The following LRBA variants were observed in gnomAD, a reference collection of about 807,000 sequenced individuals.
LRBA encodes LPS responsive beige-like anchor protein.
A neutral mutation model predicts 330.0 loss-of-function variants in LRBA; 176 were observed. The ratio of observed to expected loss-of-function variants is 0.53; its 90% CI spans 0.47 to 0.60. LRBA has a LOEUF of 0.60. LRBA is among the 20% of genes least tolerant of loss of function. The pLI is 0.00. For missense variants in LRBA, 3,259 were observed against 3,444.8 expected, an observed-to-expected ratio of 0.95 and a Z score of 1.35; for synonymous variants, 1,230 against 1,193.0, an observed-to-expected ratio of 1.03 and a Z score of -0.64.
intron 40 of LRBA, among the ~76,000 whole-genome samples, chr4:150,506,193 T>C (rs563190756): frequency 1.1e-4 from 16 of 152,204 alleles, no homozygotes; most frequent in South Asian, 2.1e-4. Context: ...TTCCAATCAA[T>C]AGAAAAAGAG....
intron 40 of LRBA, among the ~76,000 whole-genome samples, chr4:150,519,697 C>T (rs1277377920): frequency 6.6e-6 from 1 of 152,024 alleles, no homozygotes; most frequent in Non-Finnish European, 1.5e-5. Flanking sequence ...GTTTTCAGTC[C>T]TCTTGGACAA....
In LRBA at chr4:150,264,780, G is replaced by A. The variant is rs1051928093; in HGVS notation, c.*942C>T. The A allele has an allele frequency of 2.6e-5, 4 of 152,584 alleles. No individual in the cohort carries two copies. The highest frequency in any genetic ancestry group is 4.8e-5 in the African/African-American group (2 of 41,436). The allele number at this position is 152,584 out of a possible 1,614,324, so 9.5% of individuals were successfully genotyped here. On this transcript the variant is annotated 3_prime_UTR_variant, in exon 57 of 57. Coordinates refer to ENST00000651943, the MANE Select transcript of LRBA (RefSeq NM_001364905.1). ...ATACACCACCAAATAACATTGTTTC[G>A]TTTCTTAGTACAAATTGCTAATCAA...
upstream of LRBA, chr4:151,015,328 G>A (rs1745305221): frequency 1.3e-5 from 2 of 152,540 alleles, no homozygotes; most frequent in Admixed American, 6.5e-5. Context: ...GGCCCAGTGG[G>A]AGGAGTGAAG....
intron 44 of LRBA, among the ~76,000 whole-genome samples, chr4:150,440,947 A>G (rs983408322): frequency 6.6e-6 from 1 of 152,128 alleles, no homozygotes; most frequent in African/African-American, 2.4e-5. Flanking sequence ...TGAGATAATA[A>G]TGATATCTTT....
chr4:150,661,864 C>T lies in LRBA; in HGVS notation c.5921+21687G>A, dbSNP rs149940880. 2.3e-3 allele frequency among the ~76,000 whole-genome samples: 347 copies of T among 152,238 alleles called. 7 individuals are homozygous for T. The highest frequency in any genetic ancestry group is 6.8e-4 in the Non-Finnish European group (46 of 68,014). ...TCTCGAACTGACCTCAAGTGATCCA[C>T]GAGCATCGGCCTCCCAAACTGCTGG... On this transcript the variant is annotated intron_variant, in intron 37 of 56. Transcript: ENST00000651943.
chr4:150,882,384 T>C (rs1293103285), intron 17 of LRBA, among the ~76,000 whole-genome samples: 1 of 152,186 alleles, frequency 6.6e-6, no homozygotes, highest in Non-Finnish European at 1.5e-5. Flanking sequence ...AAAAATACTT[T>C]ACACATTAAA....
chr4:150,810,503 T>G (rs1284868124), intron 31 of LRBA, among the ~76,000 whole-genome samples: 1 of 152,220 alleles, frequency 6.6e-6, no homozygotes, highest in African/African-American at 2.4e-5. Context: ...GAGATCTAAC[T>G]GTACCTAAAA....
intron 53 of LRBA, among the ~76,000 whole-genome samples, chr4:150,297,726 C>A (rs907567085): frequency 5.3e-5 from 8 of 152,180 alleles, no homozygotes; most frequent in African/African-American, 1.9e-4. Context: ...ATAACTTCCT[C>A]AACGGTAACT....
chr4:150,549,229 G>A (rs944334893), intron 40 of LRBA, among the ~76,000 whole-genome samples: 1 of 151,668 alleles, frequency 6.6e-6, no homozygotes, highest in Non-Finnish European at 1.5e-5. Context: ...TGTTTCATAT[G>A]ACATTTTTTA....
intron 44 of LRBA, among the ~76,000 whole-genome samples, chr4:150,452,133 T>C (rs1753418302): frequency 6.6e-6 from 1 of 152,166 alleles, no homozygotes; most frequent in Non-Finnish European, 1.5e-5. Context: ...CAATATCCTT[T>C]GGGAACATAT....
intron 39 of LRBA, among the ~76,000 whole-genome samples, chr4:150,589,568 A>T (rs1772562336): frequency 6.6e-6 from 1 of 152,098 alleles, no homozygotes; most frequent in Non-Finnish European, 1.5e-5. Flanking sequence ...TTTTTCAATC[A>T]CTCTCAGACA....
chr4:150,863,125 C>T (rs770620929), intron 22 of LRBA, among the ~76,000 whole-genome samples: 1 of 151,926 alleles, frequency 6.6e-6, no homozygotes, highest in Non-Finnish European at 1.5e-5. Context: ...AGTAAGACCT[C>T]GTCTCTACAA....
rs141892801 is a variant in LRBA, at chr4:150,867,769, C to A, written c.2668G>T (p.Val890Leu). The change falls in exon 22 of 57, where the codon GTA (valine) becomes TTA (leucine). Residue 890 changes from valine to leucine, a missense_variant. Physicochemically the swap from Val to Leu is conservative, Grantham distance 32. Transcript: ENST00000651943. The part of the protein sequence containing the change: ...NSDEQKITEM[V>L]YAIFRILLYH... ...AGCAGGATTCTGAATATGGCGTATA[C>A]CATTTCTGTTATCTTTTGCTCATCT... 1.2e-6 allele frequency: 2 copies of A among 1,613,598 alleles called. No homozygotes were observed. Among genetic ancestry groups the A allele is most frequent in the African/African-American group, 2.7e-5 (2 of 74,888 alleles).
chr4:150,653,010 C>T (rs1164715413), intron 37 of LRBA, among the ~76,000 whole-genome samples: 1 of 151,826 alleles, frequency 6.6e-6, no homozygotes, highest in Non-Finnish European at 1.5e-5. Flanking sequence ...TATTCTAATT[C>T]TATTATTCCT....
At chr4:150,430,470 G>A (rs572433610) in intron 46 of LRBA, among the ~76,000 whole-genome samples, 2 of 152,094 alleles carry the variant, frequency 1.3e-5, no homozygotes, top group African/African-American at 4.8e-5. Flanking sequence ...CATTTCAGAC[G>A]CTGTATCCAT....
chr4:150,668,982 C>CTG (rs1781813198), intron 37 of LRBA, among the ~76,000 whole-genome samples: 1 of 152,120 alleles, frequency 6.6e-6, no homozygotes, highest in African/African-American at 2.4e-5. Context: ...AGACTGCGCC[C>CTG]TGGTCTTAAA....
At position 150,685,941 on chromosome 4, in the gene LRBA, A is replaced by G. The variant is rs140604930; in HGVS notation, c.5755-2224T>C. The stretch of plus-strand genomic sequence containing the variant: ...GTACAAAATACAGGTAGAACGAGTA[A>G]TAGTCTGAAGAAACTCTGGAATGCA... On this transcript the variant is annotated intron_variant, in intron 36 of 56. Transcript: ENST00000651943. Among the ~76,000 whole-genome samples the G allele has an allele frequency of 8.2e-3, 1,246 of 152,316 alleles. 13 individuals are homozygous for G. The highest frequency in any genetic ancestry group is 0.028 in the African/African-American group (1,181 of 41,568).
intron 34 of LRBA, among the ~76,000 whole-genome samples, chr4:150,788,239 ATTTTT>A (rs377479266): frequency 1.9e-4 from 23 of 123,228 alleles, no homozygotes; most frequent in African/African-American, 7.7e-4. Context: ...CACCCGGTTA[ATTTTT>A]TTTTTTTTTT....
chr4:150,318,524 A>T (rs1732030708), intron 50 of LRBA, among the ~76,000 whole-genome samples: 1 of 152,144 alleles, frequency 6.6e-6, no homozygotes, highest in South Asian at 2.1e-4. Flanking sequence ...TTTGTTTTAA[A>T]TCAAGGCATA....
Sources: allele counts gnomAD v4.1 joint callset (sites outside exome capture counted in the v4.1 genomes callset), GRCh38; gene constraint gnomAD v4.1.1; transcripts MANE v1.5; gene names NCBI Gene and HGNC (gene_info 2026-07-23, HGNC 2026-07-21).